Variants in FOXP2 observed in about 807,000 individuals in gnomAD.
The protein encoded by FOXP2 is forkhead box P2.
A neutral mutation model predicts 115.8 loss-of-function variants in FOXP2; 12 were observed. That is an observed-to-expected ratio of 0.10 (90% CI 0.07 to 0.17). The LOEUF is 0.17. Ranked by LOEUF, FOXP2 falls within the 10% of genes least tolerant of loss-of-function variation. The pLI is 1.00. For synonymous variants in FOXP2, 328 were observed against 297.7 expected, an observed-to-expected ratio of 1.10 and a Z score of -1.05; for missense variants, 629 against 843.5, an observed-to-expected ratio of 0.75 and a Z score of 3.15.
intron 1 of FOXP2, among the ~76,000 whole-genome samples, chr7:114,145,189 C>A (rs926367236): frequency 6.6e-6 from 1 of 151,980 alleles, no homozygotes; most frequent in Admixed American, 6.6e-5. Context: ...TGTGCTCTTA[C>A]CCCCATAGAG....
At chr7:114,296,526 T>A (rs1796745439) in intron 2 of FOXP2, among the ~76,000 whole-genome samples, 1 of 152,128 alleles carries the variant, frequency 6.6e-6, no homozygotes. Flanking sequence ...ACTGTTAGGT[T>A]TAGTCAAAGA....
At chr7:114,285,485 T>C (rs1490741662) in intron 1 of FOXP2, 1 of 152,104 alleles carries the variant, frequency 6.6e-6, no homozygotes, top group Non-Finnish European at 1.5e-5. Context: ...GACATGAGAT[T>C]TAAGCTAATA....
At chr7:114,417,297 A>G (rs1355219956) in intron 1 of FOXP2, among the ~76,000 whole-genome samples, 1 of 151,970 alleles carries the variant, frequency 6.6e-6, no homozygotes, top group East Asian at 1.9e-4. Flanking sequence ...CAGCATACAA[A>G]TCCCCCTGGC....
intron 2 of FOXP2, among the ~76,000 whole-genome samples, chr7:114,438,877 G>A (rs1403523516): frequency 2.0e-5 from 3 of 152,090 alleles, no homozygotes; most frequent in Non-Finnish European, 4.4e-5. Context: ...GCTACCCAAT[G>A]ACTGCCAGAG....
At chr7:114,275,789 C>CTTT (rs1796172265) in intron 1 of FOXP2, among the ~76,000 whole-genome samples, 1 of 152,152 alleles carries the variant, frequency 6.6e-6, no homozygotes, top group South Asian at 2.1e-4. Context: ...AAAGAAACTG[C>CTTT]TGTAAATGGG....
chr7:114,474,379 C>A (rs371161366), intron 2 of FOXP2, among the ~76,000 whole-genome samples: 1 of 152,258 alleles, frequency 6.6e-6, no homozygotes, highest in East Asian at 1.9e-4. Context: ...AGGCTATACA[C>A]ATCAACAAAA....
At chr7:114,395,847 CA>C (rs929607315) in intron 2 of FOXP2, among the ~76,000 whole-genome samples, 2 of 151,362 alleles carry the variant, frequency 1.3e-5, no homozygotes, top group Non-Finnish European at 3.0e-5. Flanking sequence ...TGTGTGGGGG[CA>C]GGGGGGGTCA....
intron 1 of FOXP2, among the ~76,000 whole-genome samples, chr7:114,256,447 T>C (rs1795615812): frequency 6.6e-6 from 1 of 152,170 alleles, no homozygotes; most frequent in Non-Finnish European, 1.5e-5. Context: ...ATTTCTCTAA[T>C]GACCATTGAT....
chr7:114,668,302 A>G (rs912143804), intron 16 of FOXP2: 1 of 152,088 alleles, frequency 6.6e-6, no homozygotes, highest in African/African-American at 2.4e-5. Flanking sequence ...GCTTCTTATA[A>G]ATTGTGGAGA....
chr7:114,461,656 C>T (rs927964619), intron 2 of FOXP2, among the ~76,000 whole-genome samples: 1 of 151,986 alleles, frequency 6.6e-6, no homozygotes, highest in Non-Finnish European at 1.5e-5. Context: ...GTGGCATTAT[C>T]TTGTGACTTT....
At chr7:114,255,436 C>T (rs1359904023) in intron 1 of FOXP2, among the ~76,000 whole-genome samples, 1 of 152,208 alleles carries the variant, frequency 6.6e-6, no homozygotes, top group Non-Finnish European at 1.5e-5. Flanking sequence ...CAGTGGGCTC[C>T]ACCCAGTTGG....
At chr7:114,536,931 A>G (rs1252538311) in intron 3 of FOXP2, among the ~76,000 whole-genome samples, 1 of 151,490 alleles carries the variant, frequency 6.6e-6, no homozygotes, top group Non-Finnish European at 1.5e-5. Flanking sequence ...TGATAAGCTT[A>G]GCAACTGGAG....
intron 1 of FOXP2, among the ~76,000 whole-genome samples, chr7:114,190,509 G>A (rs1474407595): frequency 1.3e-5 from 2 of 152,144 alleles, no homozygotes; most frequent in Non-Finnish European, 1.5e-5. Context: ...TGTGGACTGG[G>A]AACTACACTT....
chr7:114,550,044 A>G (rs992829296), intron 3 of FOXP2, among the ~76,000 whole-genome samples: 1 of 151,608 alleles, frequency 6.6e-6, no homozygotes, highest in African/African-American at 2.4e-5. Flanking sequence ...GGTATATGGT[A>G]GACTGGGTGC....
intron 1 of FOXP2, among the ~76,000 whole-genome samples, chr7:114,248,090 G>A (rs1795334886): frequency 6.6e-6 from 1 of 151,940 alleles, no homozygotes; most frequent in African/African-American, 2.4e-5. Flanking sequence ...CTGAGAACGA[G>A]GAGAGCCAGT....
chr7:114,625,327 C>T (rs1804495430), intron 3 of FOXP2, among the ~76,000 whole-genome samples: 1 of 151,754 alleles, frequency 6.6e-6, no homozygotes, highest in African/African-American at 2.4e-5. Context: ...AGTTCTCCCT[C>T]CTCTTCTATG....
At chr7:114,641,926 C>T (rs994665032) in intron 6 of FOXP2, among the ~76,000 whole-genome samples, 7 of 152,080 alleles carry the variant, frequency 4.6e-5, no homozygotes, top group African/African-American at 1.7e-4. Flanking sequence ...CCGCCTCAAC[C>T]TCCTGAGTAG....
intron 1 of FOXP2, among the ~76,000 whole-genome samples, chr7:114,216,498 T>C (rs1286017542): frequency 6.6e-6 from 1 of 152,150 alleles, no homozygotes; most frequent in Non-Finnish European, 1.5e-5. Context: ...TTAGATTTTG[T>C]ATTATGTTTA....
intron 2 of FOXP2, among the ~76,000 whole-genome samples, chr7:114,495,652 T>C (rs1409328581): frequency 6.6e-6 from 1 of 151,916 alleles, no homozygotes; most frequent in Non-Finnish European, 1.5e-5. Context: ...ATTACAGGCA[T>C]GTGCCACCAT....
Sources: allele counts gnomAD v4.1 joint callset (sites outside exome capture counted in the v4.1 genomes callset), GRCh38; gene constraint gnomAD v4.1.1; transcripts MANE v1.5; gene names NCBI Gene and HGNC (gene_info 2026-07-23, HGNC 2026-07-21).